STAM2: variants seen among roughly 807,000 people sequenced by gnomAD.
STAM2 encodes the protein signal transducing adapter molecule 2.
A neutral mutation model predicts 65.6 loss-of-function variants in STAM2; 51 were observed. The observed-to-expected ratio is 0.78, with a 90% CI of 0.62 to 0.98. The LOEUF (loss-of-function observed/expected upper bound fraction) is 0.98, where lower values mean the gene tolerates loss of function less well. Among genes scored for constraint, STAM2 ranks in the 50% least tolerant of loss-of-function variants. The pLI is 0.00. For synonymous variants in STAM2, 198 were observed against 208.4 expected, an observed-to-expected ratio of 0.95 and a Z score of 0.43; for missense variants, 584 against 617.8, an observed-to-expected ratio of 0.95 and a Z score of 0.58.
chr2:152,127,401 A>C (rs11695538), intron 11 of STAM2, among the ~76,000 whole-genome samples: 22,743 of 152,178 alleles, frequency 0.15, 1,975 homozygotes, highest in Middle Eastern at 0.31. Context: ...TTTTTTGTTG[A>C]GAATTCAATT....
At chr2:152,126,816 G>C (rs902366298) in intron 11 of STAM2, among the ~76,000 whole-genome samples, 3 of 152,210 alleles carry the variant, frequency 2.0e-5, no homozygotes, top group Admixed American at 6.5e-5. Context: ...TTCAGCCTCT[G>C]AATGGTTGCT....
Position 152,133,412 on chromosome 2 carries a change from T to C in STAM2, c.872A>G (p.Tyr291Cys). 6.2e-7 allele frequency: 1 copy of C among 1,612,326 alleles called. No individual in the cohort carries two copies. The highest frequency in any genetic ancestry group is 8.5e-7 in the Non-Finnish European group (1 of 1,178,978). The change falls in exon 9 of 14, where the codon TAT becomes TGT. Residue 291 changes from tyrosine (Y) to cysteine (C), a missense_variant. By Grantham distance (194) the Tyr-to-Cys change is radical. Transcript: ENST00000263904. The part of the protein sequence containing the change: ...EIKKSEPEPV[Y>C]IDEDKMDRAL... ...AAAGAGGGACCCTACCTCATCTATA[T>C]AAACAGGCTCAGGCTCTGATTTCTT...
At chr2:152,158,766 G>A (rs970463140) in intron 1 of STAM2, among the ~76,000 whole-genome samples, 1 of 151,986 alleles carries the variant, frequency 6.6e-6, no homozygotes, top group African/African-American at 2.4e-5. Flanking sequence ...ATCTGGTCAG[G>A]GCCTTCTTAC....
rs749588439 is a variant in STAM2, at chr2:152,150,164, C to T, written c.106G>A (p.Val36Ile). The change falls in exon 2 of 14, where the codon GTT becomes ATT. Residue 36 changes from valine (V) to isoleucine (I), a missense_variant. Transcript: ENST00000263904. ...WSLIMDICDK[V>I]GSTPNGAKDC... Reference sequence around the variant, plus strand: ...TCTTACCCATTAGGAGTACTTCCAACTTTGTCACATATGTCCATAATAAGA... The same window carrying T: ...TCTTACCCATTAGGAGTACTTCCAATTTTGTCACATATGTCCATAATAAGA... 6.2e-7 allele frequency: 1 copy of T among 1,613,198 alleles called. No individual in the cohort carries two copies. The highest frequency in any genetic ancestry group is 1.1e-5 in the South Asian group (1 of 91,010).
At chr2:152,173,361 C>CACATATATATACATACATATATATGTAT (rs1689933448) in intron 1 of STAM2, among the ~76,000 whole-genome samples, 4 of 142,696 alleles carry the variant, frequency 2.8e-5, no homozygotes, top group Admixed American at 7.1e-5. Context: ...CGTATATACA[C>CACATATATATACATACATATATATGTAT]ACATATATAT....
Position 152,138,417 on chromosome 2 carries a change from C to T in STAM2, c.705-2814G>A, listed in dbSNP as rs544490677. 2.0e-5 allele frequency among the ~76,000 whole-genome samples: 3 copies of T among 152,154 alleles called. No individual in the cohort carries two copies. The South Asian group carries it at 6.2e-4, about 32-fold the overall frequency. ...AAAAAGTTGTAATTAAAGCATACTA[C>T]TGAGTTTTGTATGTTGAGCTTGTAT... On this transcript the variant is annotated intron_variant, in intron 7 of 13. Transcript: ENST00000263904.
chr2:152,131,891 C>A (rs1403337057), intron 11 of STAM2: 1 of 513,834 alleles, frequency 1.9e-6, no homozygotes, highest in African/African-American at 1.9e-5. Flanking sequence ...GTAAGCCATG[C>A]AAAATTTTTA....
chr2:152,132,074 C>T (rs765192619), intron 11 of STAM2, 40 bp downstream of exon 11: 2 of 1,491,814 alleles, frequency 1.3e-6, no homozygotes, highest in Non-Finnish European at 1.8e-6. Context: ...AAGTGAACCC[C>T]CCAAAACTAT....
At position 152,144,955 on chromosome 2, in the gene STAM2, A is replaced by C; in HGVS notation, c.450T>G (p.Thr150=). 6.2e-7 allele frequency: 1 copy of C among 1,612,854 alleles called. No individual in the cohort carries two copies. The highest frequency in any genetic ancestry group is 8.5e-7 in the Non-Finnish European group (1 of 1,178,844). The change falls in exon 6 of 14, where the codon ACT becomes ACG. Residue 150 remains threonine (T), a splice_region_variant and synonymous_variant. Transcript: ENST00000263904. The stretch of plus-strand genomic sequence containing the variant: ...TACCATTCTTGGCAGCAGCTGAGAC[A>C]GTCTGTAAATGTATGAGTAAAATGA... ...GITFPPAGSQ[T]VSAAAKNGTS...
At chr2:152,149,270 C>T (rs565788223) in intron 2 of STAM2, among the ~76,000 whole-genome samples, 1 of 152,224 alleles carries the variant, frequency 6.6e-6, no homozygotes, top group South Asian at 2.1e-4. Context: ...CCTATTGTGT[C>T]AAGGCTTTAA....
chr2:152,140,030 T>G (rs533532081), intron 7 of STAM2, among the ~76,000 whole-genome samples: 1 of 152,268 alleles, frequency 6.6e-6, no homozygotes, highest in South Asian at 2.1e-4. Flanking sequence ...TGGATTTTGG[T>G]ATCAACAGGG....
In STAM2 at chr2:152,154,010, T is replaced by TA. The variant is rs1288308525; in HGVS notation, c.41-3782dup. ...AAAAACAGACAACTCCTTCCTTGGT[T>TA]AAGCTATGAACAAGACGAGAAACAA... On this transcript the variant is annotated intron_variant, in intron 1 of 13. Transcript: ENST00000263904. 3.3e-5 allele frequency among the ~76,000 whole-genome samples: 5 copies of TA among 152,290 alleles called. No homozygotes were observed. In the East Asian group the frequency reaches 9.6e-4, roughly 29 times the overall value.
Position 152,120,691 on chromosome 2 carries a change from C to T in STAM2, c.1461G>A (p.Met487Ile), listed in dbSNP as rs558350294. The T allele has an allele frequency of 7.2e-5, 117 of 1,614,174 alleles. No homozygotes were observed. The highest frequency in any genetic ancestry group is 6.6e-4 in the Middle Eastern group (4 of 6,062). The change falls in exon 14 of 14, where the codon ATG becomes ATA. Residue 487 changes from methionine to isoleucine, a missense_variant. By Grantham distance (10) the Met-to-Ile change is conservative. Coordinates refer to ENST00000263904, the MANE Select transcript of STAM2 (RefSeq NM_005843.6). ...TGGAAGTAGTGTTCTGATAAGATGA[C>T]ATATCCACAGACATCCCCATTTGCT... is the stretch of plus-strand genomic sequence containing the variant. ...YTQQMGMSVD[M>I]SSYQNTTSNL... is the part of the protein sequence containing the mutation.
At chr2:152,120,910 G>A (rs543084676) in intron 13 of STAM2, 108 bp from the exon 14 acceptor site, 142 of 760,252 alleles carry the variant, frequency 1.9e-4, no homozygotes, top group Middle Eastern at 3.0e-4. Context: ...TTAAGCTTAC[G>A]TAGCTCTGCT....
intron 1 of STAM2, among the ~76,000 whole-genome samples, chr2:152,158,862 C>T (rs1689603597): frequency 6.6e-6 from 1 of 151,730 alleles, no homozygotes; most frequent in Non-Finnish European, 1.5e-5. Flanking sequence ...TTAATCCATT[C>T]ACGAAGGAGG....
intron 1 of STAM2, among the ~76,000 whole-genome samples, chr2:152,160,038 G>A (rs550158217): frequency 7.9e-5 from 12 of 152,344 alleles, no homozygotes; most frequent in African/African-American, 2.9e-4. Context: ...GTGCTCAATG[G>A]TGCCCAGGCT....
At chr2:152,175,508 C>G (rs1333186834) in intron 1 of STAM2, 95 bp downstream of exon 1, 5 of 1,522,742 alleles carry the variant, frequency 3.3e-6, no homozygotes, top group African/African-American at 1.4e-5. Flanking sequence ...GCTTTGCTTC[C>G]TAGTCCCCGG....
rs149848574 is a variant in STAM2, at chr2:152,147,460, T to C, written c.301-152A>G. ...ATTTCTAGCCTAGTTGAGTAATTGA[T>C]AGATGCCTATTTACATGTTGTGATA... On this transcript the variant is annotated intron_variant, in intron 4 of 13. Coordinates refer to ENST00000263904, the MANE Select transcript of STAM2 (RefSeq NM_005843.6). 26 of 671,884 alleles carry C rather than the reference T, an allele frequency of 3.9e-5. No homozygotes were observed. In the East Asian group the frequency reaches 6.3e-4, roughly 16 times the overall value. 41.6% of individuals were successfully genotyped at this position (671,884 alleles called of 1,614,324 possible).
At chr2:152,141,423 C>T (rs1468490890) in intron 7 of STAM2, among the ~76,000 whole-genome samples, 1 of 150,352 alleles carries the variant, frequency 6.7e-6, no homozygotes, top group Non-Finnish European at 1.5e-5. Context: ...AATCCCAGCT[C>T]CTGGGGAGGC....
Sources: gnomAD v4.1 joint callset for allele counts (sites outside exome capture counted in the v4.1 genomes callset) on GRCh38, gnomAD v4.1.1 for gene constraint, MANE v1.5 for transcripts, NCBI Gene and HGNC (gene_info 2026-07-23, HGNC 2026-07-21) for gene names.